The following FTO variants were observed in gnomAD, a reference collection of about 807,000 sequenced individuals.
FTO encodes alpha-ketoglutarate-dependent dioxygenase FTO.
In FTO, 47 loss-of-function variants were observed where a neutral mutation model predicts 63.9. The ratio of observed to expected loss-of-function variants is 0.74; its 90% confidence interval spans 0.58 to 0.94. The LOEUF (loss-of-function observed/expected upper bound fraction) is 0.94, where lower values mean the gene tolerates loss of function less well. Among genes scored for constraint, FTO ranks in the 40% least tolerant of loss-of-function variants. The pLI is 0.00. For synonymous variants in FTO, 207 were observed against 224.4 expected (o/e 0.92, Z 0.69); for missense variants, 562 against 618.1 (o/e 0.91, Z 0.96).
intron 8 of FTO, among the ~76,000 whole-genome samples, chr16:53,951,272 G>A (rs2082794224): frequency 6.6e-6 from 1 of 152,144 alleles, no homozygotes; most frequent in South Asian, 2.1e-4. Context: ...TAGGAACTTA[G>A]GCTAATAACA....
At chr16:54,110,023 GC>G (rs2086845123) in intron 8 of FTO, among the ~76,000 whole-genome samples, 1 of 152,140 alleles carries the variant, frequency 6.6e-6, no homozygotes, top group African/African-American at 2.4e-5. Context: ...AATTTTAAAA[GC>G]TTTGCAGAGT....
intron 8 of FTO, among the ~76,000 whole-genome samples, chr16:53,988,829 GTA>G (rs1555500339): frequency 6.6e-6 from 1 of 152,134 alleles, no homozygotes; most frequent in Non-Finnish European, 1.5e-5. Context: ...ATAATACCTA[GTA>G]TTATAAGGGG....
intron 8 of FTO, among the ~76,000 whole-genome samples, chr16:54,069,674 G>A (rs2144442024): frequency 6.6e-6 from 1 of 152,156 alleles, no homozygotes; most frequent in East Asian, 1.9e-4. Flanking sequence ...GGAAAGATTA[G>A]TTGGATTGGA....
At chr16:53,837,217 C>G (rs2151802023) in intron 3 of FTO, among the ~76,000 whole-genome samples, 1 of 152,206 alleles carries the variant, frequency 6.6e-6, no homozygotes, top group African/African-American at 2.4e-5. Flanking sequence ...AATTTTTCTC[C>G]CAAGTCCGTG....
chr16:53,719,961 T>C (rs189784462), intron 1 of FTO, among the ~76,000 whole-genome samples: 6 of 152,252 alleles, frequency 3.9e-5, no homozygotes, highest in Admixed American at 2.0e-4. Flanking sequence ...TGTACCCCAA[T>C]GTCCGCAGAG....
At chr16:53,952,487 AG>A (rs1431800985) in intron 8 of FTO, among the ~76,000 whole-genome samples, 1 of 152,168 alleles carries the variant, frequency 6.6e-6, no homozygotes, top group Non-Finnish European at 1.5e-5. Flanking sequence ...GCAGATGACA[AG>A]GGTCAGTGGA....
chr16:53,826,719 T>C (rs1447309757), intron 3 of FTO, among the ~76,000 whole-genome samples: 1 of 152,210 alleles, frequency 6.6e-6, no homozygotes, highest in Non-Finnish European at 1.5e-5. Flanking sequence ...CTCATTGTTA[T>C]ACTGTACTCA....
chr16:53,896,446 A>G (rs1288731311), intron 7 of FTO, among the ~76,000 whole-genome samples: 1 of 152,108 alleles, frequency 6.6e-6, no homozygotes, highest in East Asian at 1.9e-4. Flanking sequence ...AGTGTACAAA[A>G]TAATAATAAT....
chr16:53,878,514 A>G (rs1187758427), intron 5 of FTO, among the ~76,000 whole-genome samples: 1 of 152,180 alleles, frequency 6.6e-6, no homozygotes, highest in Non-Finnish European at 1.5e-5. Context: ...TTGATGTCGC[A>G]TTGTATAAAA....
chr16:53,905,055 C>T (rs1324999545), intron 7 of FTO, among the ~76,000 whole-genome samples: 1 of 151,944 alleles, frequency 6.6e-6, no homozygotes, highest in Non-Finnish European at 1.5e-5. Context: ...GGGAGGAGAG[C>T]TTTCTTTGAC....
rs143778033 is a variant in FTO, at chr16:53,934,850, G to A, written c.1364+741G>A. Among the ~76,000 whole-genome samples, 1,375 of 152,200 alleles carry A rather than the reference G, an allele frequency of 9.0e-3. 11 individuals carry two copies. Among genetic ancestry groups the A allele is most frequent in the Middle Eastern group, 0.078 (23 of 294 alleles). On this transcript the variant is annotated intron_variant, in intron 8 of 8. Transcript: ENST00000471389. ...CAAAACCTCAAAATGTTGTTACGTG[G>A]CGATGACTGTAGCCTATTTATCAAC...
intron 4 of FTO, among the ~76,000 whole-genome samples, chr16:53,845,133 C>A (rs189108148): frequency 6.6e-6 from 1 of 152,208 alleles, no homozygotes; most frequent in Non-Finnish European, 1.5e-5. Context: ...TTTTCTAATG[C>A]GCAATGTGTA....
At chr16:53,834,404 G>T (rs16952577) in intron 3 of FTO, among the ~76,000 whole-genome samples, 49,523 of 151,980 alleles carry the variant, frequency 0.33, 9,165 homozygotes, top group East Asian at 0.5. Context: ...TGACATTGAT[G>T]AGGCACTTAA....
chr16:53,890,007 G>A (rs1441433453), intron 7 of FTO, among the ~76,000 whole-genome samples: 2 of 151,948 alleles, frequency 1.3e-5, no homozygotes, highest in Non-Finnish European at 2.9e-5. Context: ...TAACTTCCTC[G>A]AGGTCACCCA....
intron 8 of FTO, among the ~76,000 whole-genome samples, chr16:54,094,078 C>G (rs2086457287): frequency 6.6e-6 from 1 of 152,132 alleles, no homozygotes; most frequent in Non-Finnish European, 1.5e-5. Context: ...GAATGACAGA[C>G]CCACGCTTTC....
At chr16:53,722,243 T>TAAA (rs2076057743) in intron 1 of FTO, among the ~76,000 whole-genome samples, 1 of 152,148 alleles carries the variant, frequency 6.6e-6, no homozygotes, top group Non-Finnish European at 1.5e-5. Flanking sequence ...CATATTAAAT[T>TAAA]TTACATTTTG....
intron 8 of FTO, among the ~76,000 whole-genome samples, chr16:54,014,401 C>G (rs2084389442): frequency 6.6e-6 from 1 of 152,088 alleles, no homozygotes; most frequent in Non-Finnish European, 1.5e-5. Flanking sequence ...CCTCCCCTCT[C>G]TCTCTCTTGC....
intron 8 of FTO, chr16:53,991,169 A>G (rs1351230748): frequency 2.6e-5 from 4 of 152,180 alleles, no homozygotes. Flanking sequence ...CTCTTCTGTA[A>G]CCCAAATCTC....
At chr16:53,708,509 C>T (rs577107314) in intron 1 of FTO, among the ~76,000 whole-genome samples, 6 of 152,252 alleles carry the variant, frequency 3.9e-5, no homozygotes, top group African/African-American at 1.4e-4. Flanking sequence ...TTTGTGTGGA[C>T]GTGTTTTCAT....
Sources: allele counts gnomAD v4.1 joint callset (sites outside exome capture counted in the v4.1 genomes callset), GRCh38; gene constraint gnomAD v4.1.1; transcripts MANE v1.5; gene names NCBI Gene and HGNC (gene_info 2026-07-23, HGNC 2026-07-21).